ATP2B2: variants seen among roughly 807,000 people sequenced by gnomAD.
ATP2B2 encodes the protein ATPase plasma membrane Ca2+ transporting 2, also known as plasma membrane calcium-transporting ATPase 2.
A neutral mutation model predicts 120.0 loss-of-function variants in ATP2B2; 15 were observed. That is an observed-to-expected ratio of 0.12 (90% CI 0.08 to 0.19). ATP2B2 has a LOEUF of 0.19. ATP2B2 is among the 10% of genes least tolerant of loss of function. The probability of loss-of-function intolerance (pLI) is 1.00; values close to 1 mark genes in which losing one functional copy is unlikely to be tolerated. For missense variants in ATP2B2, 1,045 were observed against 1,719.8 expected (o/e 0.61, Z 6.94); for synonymous variants, 694 against 700.3 (o/e 0.99, Z 0.14).
At chr3:10,517,061 C>A (rs1021526279) in intron 3 of ATP2B2, among the ~76,000 whole-genome samples, 2 of 152,154 alleles carry the variant, frequency 1.3e-5, no homozygotes, top group Non-Finnish European at 2.9e-5. Context: ...GCCTGCTCTG[C>A]TAAAAATAAC....
chr3:10,649,812 T>C (rs898040166), intron 1 of ATP2B2, among the ~76,000 whole-genome samples: 4 of 152,194 alleles, frequency 2.6e-5, no homozygotes, highest in East Asian at 1.9e-4. Flanking sequence ...TCACAAGATC[T>C]GATGGTTTTA....
chr3:10,479,495 T>G (rs188390051), intron 1 of ATP2B2, among the ~76,000 whole-genome samples: 147 of 152,196 alleles, frequency 9.7e-4, no homozygotes, highest in African/African-American at 3.4e-3. Context: ...TCATCCTGGT[T>G]GTATTTTAAA....
chr3:10,672,633 T>C (rs1001254925), intron 1 of ATP2B2, among the ~76,000 whole-genome samples: 1 of 152,198 alleles, frequency 6.6e-6, no homozygotes, highest in African/African-American at 2.4e-5. Context: ...ATTTTAAAGG[T>C]TTGCAGATTA....
chr3:10,370,900 C>T (rs539808044), intron 12 of ATP2B2, among the ~76,000 whole-genome samples: 22 of 152,142 alleles, frequency 1.4e-4, no homozygotes, highest in Non-Finnish European at 2.6e-4. Context: ...GCTGAGGCAA[C>T]CTGTGCTTCT....
chr3:10,346,471 C>A lies in ATP2B2; in HGVS notation c.2405-334G>T, dbSNP rs140204471. Among the ~76,000 whole-genome samples, 1 of 152,368 alleles carries A rather than the reference C, an allele frequency of 6.6e-6. No homozygotes were observed. The highest frequency in any genetic ancestry group is 1.5e-5 in the Non-Finnish European group (1 of 68,032). Reference sequence around the variant, plus strand: ...GTATCCTCTAACTGTGCTCAGGGCCCCCTCTGCCTCAGCAGGGCTCCCAGG... The same window carrying A: ...GTATCCTCTAACTGTGCTCAGGGCCACCTCTGCCTCAGCAGGGCTCCCAGG... On this transcript the variant is annotated intron_variant, in intron 16 of 22. Coordinates refer to ENST00000360273, the MANE Select transcript of ATP2B2 (RefSeq NM_001001331.4). This position sits in a 1 kb window ranked among gnomAD's most constrained non-coding sequence, Gnocchi z 4.1.
At chr3:10,481,029 T>C (rs1357307712) in intron 1 of ATP2B2, among the ~76,000 whole-genome samples, 1 of 152,144 alleles carries the variant, frequency 6.6e-6, no homozygotes, top group Non-Finnish European at 1.5e-5. Context: ...GAGCAGACCC[T>C]CTCTTTTTGT....
chr3:10,367,722 C>T (rs1444307335), intron 12 of ATP2B2, among the ~76,000 whole-genome samples: 1 of 152,148 alleles, frequency 6.6e-6, no homozygotes, highest in Non-Finnish European at 1.5e-5. Flanking sequence ...GGCCTCAGAT[C>T]TGCTCGGGTA....
At chr3:10,562,214 C>A (rs1027874872) in intron 2 of ATP2B2, among the ~76,000 whole-genome samples, 1 of 152,114 alleles carries the variant, frequency 6.6e-6, no homozygotes, top group East Asian at 1.9e-4. Flanking sequence ...ATGAGCTGCA[C>A]CTTCAGGTGC....
chr3:10,402,347 T>G lies in ATP2B2; in HGVS notation c.399A>C (p.Gly133=). 6.2e-7 allele frequency: 1 copy of G among 1,613,108 alleles called. No homozygotes were observed. Among genetic ancestry groups the G allele is most frequent in the Non-Finnish European group, 8.5e-7 (1 of 1,180,012 alleles). The change falls in exon 4 of 23, where the codon GGA becomes GGC. Residue 133 remains glycine, a splice_region_variant and synonymous_variant. Coordinates refer to ENST00000360273, the MANE Select transcript of ATP2B2 (RefSeq NM_001001331.4). This position sits in a 1 kb window ranked among gnomAD's most constrained non-coding sequence, Gnocchi z 4.9. Reference sequence around the variant, plus strand: ...CTGCCCCACCCTGGGCCGTCGCACATCCTGAAAGACCAGATAGAAGCAGGC... The same window carrying G: ...CTGCCCCACCCTGGGCCGTCGCACAGCCTGAAAGACCAGATAGAAGCAGGC... The part of the protein sequence containing the change: ...FYHPPGEGNE[G]CATAQGGAED...
intron 1 of ATP2B2, among the ~76,000 whole-genome samples, chr3:10,640,624 A>G (rs9820520): frequency 0.27 from 40,798 of 152,058 alleles, 9,586 homozygotes; most frequent in African/African-American, 0.63. Context: ...ATTCCCAGAA[A>G]GCTTCTGGAG....
chr3:10,587,204 CT>C (rs987940492), intron 2 of ATP2B2, among the ~76,000 whole-genome samples: 8 of 152,072 alleles, frequency 5.3e-5, no homozygotes, highest in African/African-American at 1.9e-4. Flanking sequence ...ACTAAGGAGC[CT>C]GAGGTGGGAG....
chr3:10,351,121 C>G (rs560069334), intron 14 of ATP2B2, among the ~76,000 whole-genome samples: 1 of 152,288 alleles, frequency 6.6e-6, no homozygotes, highest in Admixed American at 6.5e-5. Context: ...AGGTAAAATA[C>G]GCCATTTCTC....
intron 1 of ATP2B2, among the ~76,000 whole-genome samples, chr3:10,665,475 G>A (rs7610435): frequency 4.9e-4 from 75 of 152,246 alleles, no homozygotes; most frequent in African/African-American, 1.6e-3. Context: ...AACTTGACAC[G>A]TAACTGTGGG....
chr3:10,588,210 T>C (rs1447348713), intron 2 of ATP2B2, among the ~76,000 whole-genome samples: 1 of 152,238 alleles, frequency 6.6e-6, no homozygotes, highest in Non-Finnish European at 1.5e-5. Context: ...GCCCTGTGCG[T>C]TGGCCTTTAC....
At chr3:10,655,850 T>C (rs1304354268) in intron 1 of ATP2B2, among the ~76,000 whole-genome samples, 1 of 152,226 alleles carries the variant, frequency 6.6e-6, no homozygotes. Flanking sequence ...AACCTGATTT[T>C]AAAAATCTAC....
intron 1 of ATP2B2, among the ~76,000 whole-genome samples, chr3:10,671,759 G>C (rs1430057525): frequency 1.3e-5 from 2 of 152,118 alleles, no homozygotes; most frequent in Non-Finnish European, 2.9e-5. Flanking sequence ...GGAAACTGGT[G>C]GTGAAGCTCA....
intron 2 of ATP2B2, among the ~76,000 whole-genome samples, chr3:10,552,888 G>A (rs963792998): frequency 5.9e-5 from 9 of 151,836 alleles, no homozygotes; most frequent in African/African-American, 1.9e-4. Flanking sequence ...CTTTCCAAAG[G>A]ACTTTCTATG....
intron 8 of ATP2B2, among the ~76,000 whole-genome samples, chr3:10,380,360 G>A (rs1389096873): frequency 6.6e-6 from 1 of 152,238 alleles, no homozygotes; most frequent in Non-Finnish European, 1.5e-5. Flanking sequence ...CCCTTGGGAG[G>A]GGTCTGAGAA....
intron 9 of ATP2B2, 102 bp from the exon 10 acceptor site, chr3:10,378,512 A>AG: frequency 6.7e-7 from 1 of 1,500,594 alleles, no homozygotes; most frequent in Non-Finnish European, 9.1e-7. Flanking sequence ...CTGCCTGCCC[A>AG]GGGTAGGTGC....
Sources: allele counts gnomAD v4.1 joint callset (sites outside exome capture counted in the v4.1 genomes callset), GRCh38; gene constraint gnomAD v4.1.1; non-coding constraint Gnocchi (gnomAD v3.1); transcripts MANE v1.5; gene names NCBI Gene and HGNC (gene_info 2026-07-23, HGNC 2026-07-21).